ROBO2: variants seen among roughly 807,000 people sequenced by gnomAD.
ROBO2 encodes the protein roundabout homolog 2.
A neutral mutation model predicts 160.8 loss-of-function variants in ROBO2; 53 were observed. That is an observed-to-expected ratio of 0.33 (90% CI 0.26 to 0.41). The LOEUF (loss-of-function observed/expected upper bound fraction) is 0.41, where lower values mean the gene tolerates loss of function less well. ROBO2 is among the 10% of genes least tolerant of loss of function. The probability of loss-of-function intolerance (pLI) is 1.00; values close to 1 mark genes in which losing one functional copy is unlikely to be tolerated. For synonymous variants in ROBO2, 664 were observed against 611.7 expected, an observed-to-expected ratio of 1.09 and a Z score of -1.26; for missense variants, 1,577 against 1,722.4, an observed-to-expected ratio of 0.92 and a Z score of 1.49.
intron 2 of ROBO2, among the ~76,000 whole-genome samples, chr3:76,028,963 T>G (rs1248090184): frequency 2.0e-5 from 3 of 152,102 alleles, no homozygotes; most frequent in Non-Finnish European, 4.4e-5. Context: ...AGTGATGCTA[T>G]GAGCATATTT....
intron 2 of ROBO2, among the ~76,000 whole-genome samples, chr3:76,183,821 C>T (rs752470740): frequency 4.6e-5 from 7 of 152,192 alleles, no homozygotes; most frequent in Non-Finnish European, 7.4e-5. Flanking sequence ...GTTCACACAG[C>T]TCTATTTAAA....
At chr3:77,222,702 CT>C (rs2085981999) in intron 2 of ROBO2, among the ~76,000 whole-genome samples, 1 of 152,264 alleles carries the variant, frequency 6.6e-6, no homozygotes, top group African/African-American at 2.4e-5. Flanking sequence ...TAAAGCATTT[CT>C]TTTTCACTTA....
chr3:76,460,361 A>G (rs1049517267), intron 2 of ROBO2, among the ~76,000 whole-genome samples: 5 of 152,326 alleles, frequency 3.3e-5, no homozygotes, highest in Non-Finnish European at 2.9e-5. Flanking sequence ...CAGGAAACCT[A>G]TAAGTGTGCA....
intron 2 of ROBO2, among the ~76,000 whole-genome samples, chr3:76,277,106 G>A (rs1199420814): frequency 6.6e-6 from 1 of 151,968 alleles, no homozygotes; most frequent in Admixed American, 6.6e-5. Flanking sequence ...GACAATCTGT[G>A]GTTGTTTGCC....
chr3:77,586,693 TTTC>T (rs1459649325), intron 16 of ROBO2, among the ~76,000 whole-genome samples: 3 of 151,850 alleles, frequency 2.0e-5, no homozygotes, highest in African/African-American at 7.2e-5. Context: ...AAGGCCAAAT[TTTC>T]TTTTCTCTTT....
chr3:77,470,601 T>C (rs897818953), intron 2 of ROBO2, among the ~76,000 whole-genome samples: 5 of 152,202 alleles, frequency 3.3e-5, no homozygotes, highest in Non-Finnish European at 5.9e-5. Flanking sequence ...GAACAAGTTA[T>C]TTTAAAAATA....
intron 2 of ROBO2, among the ~76,000 whole-genome samples, chr3:76,549,844 T>G (rs2083313010): frequency 6.6e-6 from 1 of 152,206 alleles, no homozygotes; most frequent in Admixed American, 6.5e-5. Flanking sequence ...CTTTCACATA[T>G]CTGAGAACTT....
At chr3:76,520,734 G>T (rs919718914) in intron 2 of ROBO2, among the ~76,000 whole-genome samples, 4 of 152,072 alleles carry the variant, frequency 2.6e-5, no homozygotes, top group African/African-American at 9.7e-5. Flanking sequence ...ATAATGTCAA[G>T]AAACCTCTAC....
In ROBO2 at chr3:76,991,568, G is replaced by A. The variant is rs567409463; in HGVS notation, c.110-106446G>A. 2.2e-4 allele frequency among the ~76,000 whole-genome samples: 33 copies of A among 152,178 alleles called. 1 individual carries two copies. The South Asian group carries it at 6.8e-3, about 32-fold the overall frequency. The stretch of plus-strand genomic sequence containing the variant: ...TGTGTGTTGTTTTGCTTTTTATCAC[G>A]GGATTCATTAAGTTTTGAGGACTTT... On this transcript the variant is annotated intron_variant, in intron 2 of 26. Coordinates refer to the ROBO2 transcript ENST00000487694.
chr3:76,908,132 AC>A (rs2075740866), intron 2 of ROBO2, among the ~76,000 whole-genome samples: 1 of 152,042 alleles, frequency 6.6e-6, no homozygotes, highest in Non-Finnish European at 1.5e-5. Context: ...GAGCCATCAA[AC>A]CCAGCCTGCC....
chr3:76,494,499 A>G (rs1329854496), intron 2 of ROBO2, among the ~76,000 whole-genome samples: 1 of 152,156 alleles, frequency 6.6e-6, no homozygotes, highest in Non-Finnish European at 1.5e-5. Context: ...AATTATTTTA[A>G]CAAGGTCTGT....
chr3:76,792,520 A>G (rs1351731964), intron 2 of ROBO2, among the ~76,000 whole-genome samples: 1 of 151,524 alleles, frequency 6.6e-6, no homozygotes, highest in Non-Finnish European at 1.5e-5. Context: ...CTCCATTATC[A>G]TTTTCTGGGG....
chr3:76,902,560 C>T (rs1212436583), intron 2 of ROBO2, among the ~76,000 whole-genome samples: 3 of 151,932 alleles, frequency 2.0e-5, no homozygotes, highest in Non-Finnish European at 2.9e-5. Context: ...TTTCAGTTGT[C>T]TGGACCCTTT....
intron 2 of ROBO2, among the ~76,000 whole-genome samples, chr3:76,218,345 T>C (rs1477182724): frequency 6.6e-6 from 1 of 152,180 alleles, no homozygotes; most frequent in African/African-American, 2.4e-5. Flanking sequence ...ATAAAGGGCA[T>C]TCAATTAGGA....
intron 2 of ROBO2, among the ~76,000 whole-genome samples, chr3:76,552,137 T>C (rs897840565): frequency 6.6e-6 from 1 of 152,226 alleles, no homozygotes; most frequent in Non-Finnish European, 1.5e-5. Flanking sequence ...ACTATTTACA[T>C]AGCATTTACA....
chr3:75,996,063 A>C (rs2065718255), intron 2 of ROBO2, among the ~76,000 whole-genome samples: 1 of 152,084 alleles, frequency 6.6e-6, no homozygotes, highest in Admixed American at 6.6e-5. Flanking sequence ...AAGACTTTGG[A>C]CTTGGACTTC....
At chr3:76,692,794 T>C (rs1409505810) in intron 2 of ROBO2, among the ~76,000 whole-genome samples, 1 of 151,992 alleles carries the variant, frequency 6.6e-6, no homozygotes, top group Non-Finnish European at 1.5e-5. Flanking sequence ...TATTTATATA[T>C]TTTTATATGC....
intron 2 of ROBO2, among the ~76,000 whole-genome samples, chr3:76,235,740 T>A (rs1434759176): frequency 6.6e-6 from 1 of 152,192 alleles, no homozygotes; most frequent in African/African-American, 2.4e-5. Context: ...TTTATATAAT[T>A]CATTGGTGGA....
chr3:76,448,182 G>A (rs2077296345), intron 2 of ROBO2, among the ~76,000 whole-genome samples: 2 of 151,980 alleles, frequency 1.3e-5, no homozygotes, highest in Admixed American at 1.3e-4. Context: ...GTCTTTCAAG[G>A]TGAGCCACTT....
Sources: allele counts gnomAD v4.1 joint callset (sites outside exome capture counted in the v4.1 genomes callset), GRCh38; gene constraint gnomAD v4.1.1; transcripts MANE v1.5; gene names NCBI Gene and HGNC (gene_info 2026-07-23, HGNC 2026-07-21).